The following TGFA variants were observed in gnomAD, a reference collection of about 807,000 sequenced individuals.
TGFA encodes the protein protransforming growth factor alpha.
Under a neutral mutation model 21.7 loss-of-function variants are expected in TGFA, and 12 were observed. That is an observed-to-expected ratio of 0.55 (90% CI 0.35 to 0.90). The LOEUF (loss-of-function observed/expected upper bound fraction) is 0.90. Among genes scored for constraint, TGFA ranks in the 40% least tolerant of loss-of-function variants. The probability of loss-of-function intolerance (pLI) is 0.01; values close to 1 mark genes in which losing one functional copy is unlikely to be tolerated. For missense variants in TGFA, 178 were observed against 210.8 expected, an observed-to-expected ratio of 0.84 and a Z score of 0.96; for synonymous variants, 79 against 88.1, an observed-to-expected ratio of 0.90 and a Z score of 0.58.
At chr2:70,528,150 G>A (rs541767914) in intron 1 of TGFA, among the ~76,000 whole-genome samples, 1 of 152,354 alleles carries the variant, frequency 6.6e-6, no homozygotes, top group South Asian at 2.1e-4. Flanking sequence ...GGTGAAATGT[G>A]TTGAAGGGCT....
rs1206147146 is a variant in TGFA at position 70,448,613 on chromosome 2, T to A, written c.*2246A>T. ...AGTCATTTGATTTCTAGAAGAAAAA[T>A]CCCCAAATAAGCCAGGCTGTTCTAT... On this transcript the variant is annotated 3_prime_UTR_variant, in exon 6 of 6. Transcript: ENST00000295400. 2 of 152,114 alleles carry A rather than the reference T, an allele frequency of 1.3e-5. No homozygotes were observed. Among genetic ancestry groups the A allele is most frequent in the African/African-American group, 2.4e-5 (1 of 41,424 alleles). The allele number at this position is 152,114 out of a possible 1,614,324, so 9.4% of individuals were successfully genotyped here.
chr2:70,540,757 G>A (rs1315135926), intron 1 of TGFA, among the ~76,000 whole-genome samples: 1 of 152,072 alleles, frequency 6.6e-6, no homozygotes, highest in Admixed American at 6.5e-5. Context: ...TAAAAGGCAA[G>A]ATGACAAAAT....
intron 2 of TGFA, among the ~76,000 whole-genome samples, chr2:70,512,094 C>A (rs1400022974): frequency 6.6e-6 from 1 of 152,012 alleles, no homozygotes; most frequent in Non-Finnish European, 1.5e-5. Context: ...AGGAAGGACA[C>A]CCTAAAGGAA....
At chr2:70,505,237 C>T (rs1177495799) in intron 2 of TGFA, among the ~76,000 whole-genome samples, 16 of 152,120 alleles carry the variant, frequency 1.1e-4, no homozygotes, top group African/African-American at 3.9e-4. Context: ...TGTGGGGTCT[C>T]ACACAATTTT....
intron 2 of TGFA, among the ~76,000 whole-genome samples, chr2:70,466,960 A>G (rs1052686548): frequency 2.0e-5 from 3 of 152,110 alleles, no homozygotes; most frequent in Non-Finnish European, 4.4e-5. Flanking sequence ...GCATGTTCTC[A>G]CTTATAAGTG....
At chr2:70,552,121 G>C (rs1553506912) in intron 1 of TGFA, among the ~76,000 whole-genome samples, 1 of 152,138 alleles carries the variant, frequency 6.6e-6, no homozygotes, top group South Asian at 2.1e-4. Flanking sequence ...CACAAGTTAG[G>C]TGACTTTTCA....
chr2:70,460,865 G>A (rs375569923), intron 3 of TGFA, among the ~76,000 whole-genome samples: 3 of 152,136 alleles, frequency 2.0e-5, no homozygotes, highest in Non-Finnish European at 4.4e-5. Flanking sequence ...AGAACTTCCC[G>A]TGATCATGAC....
chr2:70,520,261 T>C (rs1376002603), intron 1 of TGFA, among the ~76,000 whole-genome samples: 1 of 152,108 alleles, frequency 6.6e-6, no homozygotes, highest in Non-Finnish European at 1.5e-5. Flanking sequence ...AGCTGCAGGC[T>C]ACTGATGTTC....
At chr2:70,550,684 C>T (rs1673471021) in intron 1 of TGFA, among the ~76,000 whole-genome samples, 1 of 151,912 alleles carries the variant, frequency 6.6e-6, no homozygotes, top group South Asian at 2.1e-4. Context: ...ATTAGCCGGG[C>T]GTGGTGGCGG....
In TGFA at chr2:70,540,831, A is replaced by C. The variant is rs1056002865; in HGVS notation, c.40+12897T>G. Reference sequence around the variant, plus strand: ...ATAATAAAATCACTAACCTACCCAAAACAGGGCCTAAGGATACAAACAGGT... The same window carrying C: ...ATAATAAAATCACTAACCTACCCAACACAGGGCCTAAGGATACAAACAGGT... On this transcript the variant is annotated intron_variant, in intron 1 of 5. Transcript: ENST00000295400. 5.3e-5 allele frequency among the ~76,000 whole-genome samples: 8 copies of C among 152,218 alleles called. No homozygotes were observed. The East Asian group carries it at 1.5e-3, about 29-fold the overall frequency.
At chr2:70,542,473 T>C (rs537317592) in intron 1 of TGFA, among the ~76,000 whole-genome samples, 29 of 152,258 alleles carry the variant, frequency 1.9e-4, no homozygotes, top group African/African-American at 6.7e-4. Context: ...TACGGTCTCA[T>C]TGTAAGAATC....
chr2:70,506,802 A>G (rs1553500199), intron 2 of TGFA, among the ~76,000 whole-genome samples: 1 of 152,204 alleles, frequency 6.6e-6, no homozygotes, highest in Non-Finnish European at 1.5e-5. Flanking sequence ...AGTAGGTGGC[A>G]GAGGTGGAAT....
At chr2:70,527,790 T>C (rs183333896) in intron 1 of TGFA, among the ~76,000 whole-genome samples, 1 of 152,324 alleles carries the variant, frequency 6.6e-6, no homozygotes, top group East Asian at 1.9e-4. Context: ...AAAAAAGTAT[T>C]CTATTACCAG....
At chr2:70,529,491 T>TG (rs1672746153) in intron 1 of TGFA, among the ~76,000 whole-genome samples, 1 of 152,124 alleles carries the variant, frequency 6.6e-6, no homozygotes, top group African/African-American at 2.4e-5. Flanking sequence ...ATGTCTTTTC[T>TG]GAATAGATGA....
chr2:70,534,623 A>G (rs1672918761), intron 1 of TGFA, among the ~76,000 whole-genome samples: 1 of 152,234 alleles, frequency 6.6e-6, no homozygotes, highest in Admixed American at 6.5e-5. Flanking sequence ...TATGTCAAAT[A>G]GCATGCCTCT....
intron 2 of TGFA, among the ~76,000 whole-genome samples, chr2:70,510,958 T>C (rs1040644471): frequency 2.0e-5 from 3 of 151,398 alleles, no homozygotes; most frequent in Admixed American, 2.0e-4. Context: ...CTGGGCAACA[T>C]AGCAAGATCT....
At chr2:70,474,946 C>T (rs1670875779) in intron 2 of TGFA, among the ~76,000 whole-genome samples, 1 of 150,288 alleles carries the variant, frequency 6.7e-6, no homozygotes, top group Non-Finnish European at 1.5e-5. Context: ...TACAAAGATA[C>T]TGGTTATTGA....
At position 70,519,448 on chromosome 2, in the gene TGFA, C is replaced by A. The variant is rs1430857797; in HGVS notation, c.41-4536G>T. On this transcript the variant is annotated intron_variant, in intron 1 of 5. Transcript: ENST00000295400. ...CAAAAATCACTAAATTGTATGATTT[C>A]ATCAATATTTTTAAATCCAAGAGGT... Among the ~76,000 whole-genome samples, 3 of 152,140 alleles carry A rather than the reference C, an allele frequency of 2.0e-5. No homozygotes were observed. In the East Asian group the frequency reaches 5.8e-4, roughly 29 times the overall value.
intron 2 of TGFA, among the ~76,000 whole-genome samples, chr2:70,479,135 G>A (rs1347152577): frequency 9.9e-5 from 15 of 152,018 alleles, no homozygotes; most frequent in Admixed American, 8.5e-4. Context: ...ACACATTATC[G>A]CTGGTTTTGA....
Sources: allele counts gnomAD v4.1 joint callset (sites outside exome capture counted in the v4.1 genomes callset), GRCh38; gene constraint gnomAD v4.1.1; transcripts MANE v1.5; gene names NCBI Gene and HGNC (gene_info 2026-07-23, HGNC 2026-07-21).